Variants in UNC13A observed in about 807,000 individuals in gnomAD.
UNC13A encodes unc-13 homolog A, also known as protein unc-13 homolog A.
In UNC13A, 61 loss-of-function variants were observed where a neutral mutation model predicts 219.7. That is an observed-to-expected ratio of 0.28 (90% CI 0.23 to 0.34). The LOEUF is 0.34. UNC13A is among the 10% of genes least tolerant of loss of function. The probability of loss-of-function intolerance (pLI) is 1.00; values close to 1 mark genes in which losing one functional copy is unlikely to be tolerated. For missense variants in UNC13A, 1,476 were observed against 2,270.3 expected (o/e 0.65, Z 7.11); for synonymous variants, 920 against 884.6 (o/e 1.04, Z -0.71).
chr19:17,617,394 T>C (rs2076677675), intron 41 of UNC13A, among the ~76,000 whole-genome samples: 1 of 152,080 alleles, frequency 6.6e-6, no homozygotes, highest in Non-Finnish European at 1.5e-5. Context: ...GTTCCACACC[T>C]AAGAGTCATC....
In UNC13A at chr19:17,604,598, T is replaced by C. The variant is rs1346564592; in HGVS notation, c.*1456A>G. 3 of 152,418 alleles carry C rather than the reference T, an allele frequency of 2.0e-5. No individual in the cohort carries two copies. The highest frequency in any genetic ancestry group is 1.9e-4 in the East Asian group (1 of 5,180). The allele number at this position is 152,418 out of a possible 1,614,324, so 9.4% of individuals were successfully genotyped here. On this transcript the variant is annotated 3_prime_UTR_variant, in exon 44 of 44. Transcript: ENST00000519716. Reference sequence around the variant, plus strand: ...ATTTCTCCCTAGCACAGCAAAATCTTGTCCTTCCCAATCCAGCAGAAAAAG... The same window carrying C: ...ATTTCTCCCTAGCACAGCAAAATCTCGTCCTTCCCAATCCAGCAGAAAAAG...
intron 40 of UNC13A, 39 bp downstream of exon 40, chr19:17,618,382 C>T (rs1361486110): frequency 1.3e-6 from 2 of 1,553,836 alleles, no homozygotes; most frequent in Non-Finnish European, 8.7e-7. Context: ...ACACCCTCTA[C>T]ATCCCCCACC....
In UNC13A at chr19:17,655,524, C is replaced by A. The variant is rs544700302; in HGVS notation, c.1284-142G>T. The A allele has an allele frequency of 6.7e-5, 50 of 746,318 alleles. No individual in the cohort carries two copies. In the African/African-American group the frequency reaches 7.4e-4, roughly 11 times the overall value. The allele number at this position is 746,318 out of a possible 1,614,324, so 46.2% of individuals were successfully genotyped here. On this transcript the variant is annotated intron_variant, in intron 10 of 43. Coordinates refer to ENST00000519716, the MANE Select transcript of UNC13A (RefSeq NM_001080421.3). Reference sequence around the variant, plus strand: ...AGACATTAGGACCCACGTGAGTCCCCTGGCCCACCTCAGTGCCCCTCACCC... The same window carrying A: ...AGACATTAGGACCCACGTGAGTCCCATGGCCCACCTCAGTGCCCCTCACCC...
At chr19:17,631,766 A>G (rs4808674) in intron 28 of UNC13A, among the ~76,000 whole-genome samples, 40,253 of 152,024 alleles carry the variant, frequency 0.26, 5,640 homozygotes, top group African/African-American at 0.35. Context: ...ATTTTTTGAA[A>G]TGGAGTCTCA....
intron 31 of UNC13A, chr19:17,628,302 C>CTTTTT: frequency 3.4e-6 from 1 of 290,056 alleles, no homozygotes; most frequent in Admixed American, 4.6e-5. Context: ...GACAGTGACA[C>CTTTTT]ACTGAAGGCG....
chr19:17,673,132 C>G (rs535325854), intron 3 of UNC13A, among the ~76,000 whole-genome samples: 1 of 150,126 alleles, frequency 6.7e-6, no homozygotes, highest in Non-Finnish European at 1.5e-5. Context: ...CCGAGATGGG[C>G]GGATCACCTG....
At chr19:17,659,197 C>A (rs1421813969) in intron 8 of UNC13A, among the ~76,000 whole-genome samples, 2 of 152,194 alleles carry the variant, frequency 1.3e-5, no homozygotes, top group African/African-American at 4.8e-5. Context: ...AATCCCAGCA[C>A]TTTGGGAGGC....
chr19:17,676,223 G>T, intron 1 of UNC13A, 182 bp from the exon 2 acceptor site: 1 of 724,152 alleles, frequency 1.4e-6, no homozygotes, highest in Non-Finnish European at 2.5e-6. Flanking sequence ...TAGAAGCAAT[G>T]TCAGAGACAG....
chr19:17,606,263 G>C lies in UNC13A; in HGVS notation c.4903C>G (p.Leu1635Val). 2 of 1,547,372 alleles carry C rather than the reference G, an allele frequency of 1.3e-6. No individual in the cohort carries two copies. The highest frequency in any genetic ancestry group is 2.0e-5 in the Admixed American group (1 of 51,046). ...CFAREDRTVG[L>V]AVLQLRELAQ... ...AGCTCACGCAGCTGCAGCACGGCCA[G>C]CCCCACCGTGCGGTCCTCGCGCGCG... Residue 1635 changes from leucine (L) to valine (V), a missense_variant, in exon 44 of 44, where the codon CTG becomes GTG. By Grantham distance (32) the Leu-to-Val change is conservative. Around this residue, in one of 14 missense-constraint regions of UNC13A, gnomAD observed 187 missense variants for 172.3 expected, o/e 1.09. Coordinates refer to ENST00000519716, the MANE Select transcript of UNC13A (RefSeq NM_001080421.3).
At chr19:17,616,326 A>ATCCTTT (rs559129275) in intron 41 of UNC13A, 31 of 658,358 alleles carry the variant, frequency 4.7e-5, no homozygotes, top group African/African-American at 4.6e-4. Flanking sequence ...CAGAAGGACG[A>ATCCTTT]TCCTTTTACT....
chr19:17,677,508 C>T (rs962296807), intron 1 of UNC13A, among the ~76,000 whole-genome samples: 23 of 152,008 alleles, frequency 1.5e-4, no homozygotes, highest in African/African-American at 5.6e-4. Flanking sequence ...GGACTACAGG[C>T]GTGCGCCACC....
At position 17,627,243 on chromosome 19, in the gene UNC13A, A is replaced by C. The variant is rs1043401085; in HGVS notation, c.3920+266T>G. ...GACATTTGCCCGCATTGTTCATTTC[A>C]TTCTCAAAATCCTACCCAGGTACTA... On this transcript the variant is annotated intron_variant, in intron 33 of 43. Coordinates refer to ENST00000519716, the MANE Select transcript of UNC13A (RefSeq NM_001080421.3). This position sits in a 1 kb window ranked among gnomAD's most constrained non-coding sequence, Gnocchi z 4.7. Among the ~76,000 whole-genome samples the C allele has an allele frequency of 2.0e-5, 3 of 152,160 alleles. No homozygotes were observed. Among genetic ancestry groups the C allele is most frequent in the African/African-American group, 7.2e-5 (3 of 41,424 alleles).
At chr19:17,639,240 A>G (rs1229501755) in intron 24 of UNC13A, 23 bp from the exon 25 acceptor site, 6 of 1,613,312 alleles carry the variant, frequency 3.7e-6, no homozygotes, top group Non-Finnish European at 5.1e-6. Context: ...AGAGAGGCAT[A>G]GGCGGCCACA....
chr19:17,670,002 A>G (rs2079752622), intron 4 of UNC13A, among the ~76,000 whole-genome samples: 3 of 132,296 alleles, frequency 2.3e-5, no homozygotes, highest in Admixed American at 1.7e-4. Flanking sequence ...GCTGGAGTGC[A>G]GTGGCGCGAT....
rs1568518243 is a variant in UNC13A, at chr19:17,639,027, T to C, written c.3081+56A>G. 5 of 1,520,450 alleles carry C rather than the reference T, an allele frequency of 3.3e-6. No individual in the cohort carries two copies. In the Admixed American group the frequency reaches 6.1e-5, roughly 19 times the overall value. The allele number at this position is 1,520,450 out of a possible 1,614,324, so 94.2% of individuals were successfully genotyped here. A position where few individuals can be genotyped will look rare whatever the true frequency, so the allele number is the denominator to read the frequency against. ...CCTCGGGAAGGGGCAGGGCTGGGAC[T>C]GAAGCCTGTGTCTAGTTGGCATCAC... On this transcript the variant is annotated intron_variant, in intron 25 of 43. Transcript: ENST00000519716.
intron 4 of UNC13A, among the ~76,000 whole-genome samples, chr19:17,671,959 A>C (rs2079797024): frequency 2.0e-5 from 3 of 152,024 alleles, no homozygotes; most frequent in African/African-American, 7.2e-5. Flanking sequence ...AAGGTAATAC[A>C]TTTTTAGCTG....
At chr19:17,612,047 G>T (rs1032944208) in intron 41 of UNC13A, 192 bp from the exon 42 acceptor site, 15 of 527,256 alleles carry the variant, frequency 2.8e-5, no homozygotes, top group African/African-American at 2.1e-4. Flanking sequence ...GCCTTTTACT[G>T]CCTTGCTGTG....
At chr19:17,683,008 T>C (rs1037980206) in intron 1 of UNC13A, among the ~76,000 whole-genome samples, 6 of 152,156 alleles carry the variant, frequency 3.9e-5, no homozygotes, top group Middle Eastern at 3.4e-3. Flanking sequence ...GAGGTTACAG[T>C]GAACTGAAAT....
chr19:17,640,679 GAGGCACT>G lies in UNC13A; in HGVS notation c.2637-25_2637-19del. The G allele has an allele frequency of 6.4e-7, 1 of 1,564,092 alleles. No homozygotes were observed. The highest frequency in any genetic ancestry group is 8.7e-7 in the Non-Finnish European group (1 of 1,155,620). The stretch of plus-strand genomic sequence containing the variant: ...CAAAGTGGCTGGAGAGAGGGAGCAG[GAGGCACT>G]AGGCCAGGGGTCCAGCCAGGATGGA... On this transcript the variant is annotated intron_variant, in intron 21 of 43. Transcript: ENST00000519716.
Sources: gnomAD v4.1 joint callset for allele counts (sites outside exome capture counted in the v4.1 genomes callset) on GRCh38, gnomAD v4.1.1 for gene constraint, gnomAD v4.1.1 regional missense constraint, Gnocchi (gnomAD v3.1) non-coding constraint, MANE v1.5 for transcripts, NCBI Gene and HGNC (gene_info 2026-07-23, HGNC 2026-07-21) for gene names.